The following CNTN3 variants were observed in gnomAD, a reference collection of about 807,000 sequenced individuals.
CNTN3 encodes the protein contactin 3.
A neutral mutation model predicts 119.1 loss-of-function variants in CNTN3; 60 were observed. The observed-to-expected ratio is 0.50, with a 90% CI of 0.41 to 0.62. The LOEUF is 0.62. Ranked by LOEUF, CNTN3 falls within the 20% of genes least tolerant of loss-of-function variation. CNTN3 has a pLI of 0.00. For missense variants in CNTN3, 1,101 were observed against 1,242.4 expected (o/e 0.89, Z 1.71); for synonymous variants, 450 against 438.7 (o/e 1.03, Z -0.32).
chr3:74,304,714 A>C (rs1702525480), intron 13 of CNTN3, among the ~76,000 whole-genome samples: 1 of 152,220 alleles, frequency 6.6e-6, no homozygotes, highest in Admixed American at 6.5e-5. Context: ...CATCATAAAA[A>C]ATGAAGCCAT....
intron 4 of CNTN3, among the ~76,000 whole-genome samples, chr3:74,449,435 G>T (rs915460365): frequency 6.6e-6 from 1 of 151,976 alleles, no homozygotes; most frequent in Non-Finnish European, 1.5e-5. Context: ...TTGATAAAGA[G>T]AAGAATGAAA....
chr3:74,409,441 G>GT (rs1039901461), intron 5 of CNTN3, among the ~76,000 whole-genome samples: 2 of 145,054 alleles, frequency 1.4e-5, no homozygotes, highest in East Asian at 2.1e-4. Context: ...ACCTCTTCCA[G>GT]TTTTTTGTGC....
At chr3:74,419,130 A>G (rs1006306499) in intron 5 of CNTN3, among the ~76,000 whole-genome samples, 1 of 152,168 alleles carries the variant, frequency 6.6e-6, no homozygotes, top group Non-Finnish European at 1.5e-5. Flanking sequence ...CCTGCAGAAC[A>G]GTAGCAAAGT....
chr3:74,288,159 C>CTTTTCTTT (rs1487942663), intron 19 of CNTN3, among the ~76,000 whole-genome samples: 63 of 90,366 alleles, frequency 7.0e-4, no homozygotes, highest in African/African-American at 2.0e-3. Flanking sequence ...CTTTTCTTTT[C>CTTTTCTTT]TTTTTTTTTT....
chr3:74,372,236 TCAA>T (rs1452627555), intron 5 of CNTN3, among the ~76,000 whole-genome samples: 1 of 152,100 alleles, frequency 6.6e-6, no homozygotes, highest in African/African-American at 2.4e-5. Flanking sequence ...AATGAAACAC[TCAA>T]AGGCACTTAG....
rs142462110 is a variant in CNTN3, at chr3:74,447,329, C to T, written c.359-22389G>A. Among the ~76,000 whole-genome samples the T allele has an allele frequency of 7.2e-5, 11 of 152,248 alleles. No individual in the cohort carries two copies. The East Asian group carries it at 2.1e-3, about 30-fold the overall frequency. ...GAAGCCAGGGGAACAAATATCCTGA[C>T]CTTTTCTCTTCCCACTCTCCAATTT... On this transcript the variant is annotated intron_variant, in intron 4 of 22. Coordinates refer to ENST00000263665, the MANE Select transcript of CNTN3 (RefSeq NM_020872.3).
chr3:74,598,676 A>T (rs574455135), intron 1 of CNTN3, among the ~76,000 whole-genome samples: 58 of 152,178 alleles, frequency 3.8e-4, no homozygotes, highest in Admixed American at 5.2e-4. Flanking sequence ...CTATAAAAAA[A>T]TCAATGAAAA....
At chr3:74,510,658 A>G (rs1048068057) in intron 2 of CNTN3, among the ~76,000 whole-genome samples, 2 of 152,048 alleles carry the variant, frequency 1.3e-5, no homozygotes, top group African/African-American at 4.8e-5. Context: ...AAGAATGTTT[A>G]CTGTGGTTAA....
chr3:74,612,861 A>G (rs1705105927), intron 1 of CNTN3, among the ~76,000 whole-genome samples: 1 of 152,146 alleles, frequency 6.6e-6, no homozygotes, highest in African/African-American at 2.4e-5. Flanking sequence ...TCTTTAATGA[A>G]CATTCACAAG....
chr3:74,339,006 T>TAAAA (rs755051452), intron 11 of CNTN3, among the ~76,000 whole-genome samples: 2 of 152,034 alleles, frequency 1.3e-5, no homozygotes, highest in African/African-American at 2.4e-5. Flanking sequence ...TCAAATAACT[T>TAAAA]AAAAAAATCT....
At chr3:74,458,516 C>T (rs925122944) in intron 4 of CNTN3, among the ~76,000 whole-genome samples, 1 of 152,038 alleles carries the variant, frequency 6.6e-6, no homozygotes, top group Non-Finnish European at 1.5e-5. Context: ...CATTTGTCTA[C>T]ATATTGTGGC....
intron 5 of CNTN3, among the ~76,000 whole-genome samples, chr3:74,374,600 G>A (rs1246715113): frequency 6.6e-6 from 1 of 151,968 alleles, no homozygotes; most frequent in Non-Finnish European, 1.5e-5. Context: ...GACAAGTGAA[G>A]GCAAGACAGC....
intron 1 of CNTN3, among the ~76,000 whole-genome samples, chr3:74,600,940 A>C (rs1704899614): frequency 6.6e-6 from 1 of 150,880 alleles, no homozygotes; most frequent in Admixed American, 6.6e-5. Context: ...ATTCTTCCCA[A>C]CTCTCTGTTC....
In CNTN3 at chr3:74,266,338, C is replaced by T. The variant is rs577597773; in HGVS notation, c.2986+143G>A. On this transcript the variant is annotated intron_variant, in intron 22 of 22. Coordinates refer to ENST00000263665, the MANE Select transcript of CNTN3 (RefSeq NM_020872.3). ...ACTCTTGAGGGGTTCCTCTTGCCCA[C>T]GTCTCACCTGCCAAAACCTTACCGG... The T allele has an allele frequency of 2.2e-4, 165 of 767,420 alleles. 3 individuals are homozygous for T. The African/African-American group carries it at 2.5e-3, about 12-fold the overall frequency. The allele number at this position is 767,420 out of a possible 1,614,324, so 47.5% of individuals were successfully genotyped here. A position where few individuals can be genotyped will look rare whatever the true frequency, so the allele number is the denominator to read the frequency against.
At chr3:74,438,318 A>G (rs1017816979) in intron 4 of CNTN3, among the ~76,000 whole-genome samples, 6 of 152,202 alleles carry the variant, frequency 3.9e-5, no homozygotes, top group African/African-American at 1.4e-4. Flanking sequence ...AGACACTTTG[A>G]TACTTAGGAT....
At chr3:74,542,529 C>G (rs562585513) in intron 1 of CNTN3, among the ~76,000 whole-genome samples, 1 of 151,976 alleles carries the variant, frequency 6.6e-6, no homozygotes, top group African/African-American at 2.4e-5. Context: ...AAGTTCTTAA[C>G]GCATACTGAT....
chr3:74,339,892 CAGATAGATAGATAGATAGATAGAT>C (rs55925924), intron 11 of CNTN3, among the ~76,000 whole-genome samples: 38 of 149,872 alleles, frequency 2.5e-4, no homozygotes, highest in Admixed American at 1.7e-3. Context: ...TAATTGGATA[CAGATAGATAGATAGATAGATAGAT>C]AGATAGATAG....
chr3:74,301,533 C>T lies in CNTN3; in HGVS notation c.1960G>A (p.Asp654Asn), dbSNP rs201998015. 4.3e-5 allele frequency: 70 copies of T among 1,613,902 alleles called. No individual in the cohort carries two copies. The East Asian group carries it at 1.4e-3, about 33-fold the overall frequency. The change falls in exon 16 of 23, where the codon GAT becomes AAT. Residue 654 changes from aspartate to asparagine, a missense_variant. Physicochemically the swap from Asp to Asn is conservative, Grantham distance 23. Coordinates refer to ENST00000263665, the MANE Select transcript of CNTN3 (RefSeq NM_020872.3). ...ACAGTGGCTGTGTGCGTCTTCCCAT[C>T]GATGACCTCAGGCACTACAAAGGAA... ...QTVTTVPEVI[D>N]GKTHTATVVE...
At chr3:74,342,961 A>G (rs761857999) in intron 11 of CNTN3, among the ~76,000 whole-genome samples, 37 of 152,344 alleles carry the variant, frequency 2.4e-4, no homozygotes, top group Non-Finnish European at 5.4e-4. Flanking sequence ...AAACAGACAA[A>G]TGAGACAAAT....
Sources: allele counts gnomAD v4.1 joint callset (sites outside exome capture counted in the v4.1 genomes callset), GRCh38; gene constraint gnomAD v4.1.1; transcripts MANE v1.5; gene names NCBI Gene and HGNC (gene_info 2026-07-23, HGNC 2026-07-21).